Variants in FOXP1 observed in about 807,000 individuals in gnomAD.
FOXP1 encodes the protein forkhead box protein P1.
In FOXP1, 15 loss-of-function variants were observed where a neutral mutation model predicts 98.2. The observed-to-expected ratio is 0.15, with a 90% CI of 0.10 to 0.24. The LOEUF (loss-of-function observed/expected upper bound fraction) is 0.24, where lower values mean the gene tolerates loss of function less well. FOXP1 is among the 10% of genes least tolerant of loss of function. The pLI is 1.00. For missense variants in FOXP1, 633 were observed against 848.5 expected (o/e 0.75, Z 3.15); for synonymous variants, 371 against 314.5 (o/e 1.18, Z -1.90).
At chr3:71,561,424 A>G (rs933297473) in intron 2 of FOXP1, among the ~76,000 whole-genome samples, 3 of 151,806 alleles carry the variant, frequency 2.0e-5, no homozygotes, top group Non-Finnish European at 4.4e-5. Context: ...AAAAAAAAAA[A>G]AAGCCAGCTG....
intron 2 of FOXP1, among the ~76,000 whole-genome samples, chr3:71,510,079 G>A (rs2042091729): frequency 6.6e-6 from 1 of 152,154 alleles, no homozygotes; most frequent in Non-Finnish European, 1.5e-5. Flanking sequence ...TACCAGGGAG[G>A]CTGAGGCAGG....
At chr3:71,371,447 C>G (rs1207346256) in intron 3 of FOXP1, among the ~76,000 whole-genome samples, 1 of 152,138 alleles carries the variant, frequency 6.6e-6, no homozygotes, top group East Asian at 1.9e-4. Flanking sequence ...TGTTCTCACA[C>G]CTGAATCAGA....
intron 3 of FOXP1, among the ~76,000 whole-genome samples, chr3:71,396,938 ATATATATATGTG>A (rs1560423978): frequency 3.6e-5 from 3 of 83,306 alleles, no homozygotes; most frequent in African/African-American, 1.6e-4. Flanking sequence ...ATATATACAC[ATATATATATGTG>A]TATATATATA....
chr3:71,052,645 AC>A lies in FOXP1; in HGVS notation c.421-20del. 1 of 975,192 alleles carries A rather than the reference AC, an allele frequency of 1.0e-6. No individual in the cohort carries two copies. The highest frequency in any genetic ancestry group is 1.7e-6 in the Non-Finnish European group (1 of 595,406). The allele number at this position is 975,192 out of a possible 1,614,324, so 60.4% of individuals were successfully genotyped here. On this transcript the variant is annotated intron_variant, in intron 8 of 20. Transcript: ENST00000649528. ...GCTGCTGCTACAAAGGAAAGAGAGG[AC>A]GGTAAGTAACAGAGGGTAGCGCCAA...
rs145218307 is a variant in FOXP1, at chr3:71,567,796, G to A, written c.-298+13753C>T. 630 of 152,040 alleles carry A rather than the reference G, an allele frequency of 4.1e-3. 3 individuals carry two copies. Among genetic ancestry groups the A allele is most frequent in the African/African-American group, 0.014 (579 of 41,424 alleles). 9.4% of individuals were successfully genotyped at this position (152,040 alleles called of 1,614,324 possible). A position where few individuals can be genotyped will look rare whatever the true frequency, so the allele number is the denominator to read the frequency against. Reference sequence around the variant, plus strand: ...TTGGGATAAAAGAAAGAAAAGAGTGGACGTTCTTTCCTGAGGCTGCCTTCA... The same window carrying A: ...TTGGGATAAAAGAAAGAAAAGAGTGAACGTTCTTTCCTGAGGCTGCCTTCA... On this transcript the variant is annotated intron_variant, in intron 2 of 20. Coordinates refer to ENST00000649528, the MANE Select transcript of FOXP1 (RefSeq NM_001349338.3).
chr3:71,233,746 A>C (rs994236876), intron 5 of FOXP1, among the ~76,000 whole-genome samples: 3 of 152,096 alleles, frequency 2.0e-5, no homozygotes, highest in African/African-American at 2.4e-5. Context: ...TGGGGACCCC[A>C]AGAAGGACAA....
chr3:71,098,282 C>G (rs2056652889), intron 7 of FOXP1, among the ~76,000 whole-genome samples: 2 of 152,194 alleles, frequency 1.3e-5, no homozygotes, highest in Admixed American at 1.3e-4. Flanking sequence ...AAATACATTT[C>G]TGTATTTTGC....
chr3:71,141,504 C>T (rs147883855), intron 6 of FOXP1, among the ~76,000 whole-genome samples: 9 of 152,256 alleles, frequency 5.9e-5, no homozygotes, highest in African/African-American at 1.4e-4. Context: ...ATGATTAACT[C>T]GGTTTCACTA....
At chr3:71,016,519 A>C (rs536065519) in intron 11 of FOXP1, among the ~76,000 whole-genome samples, 1 of 152,148 alleles carries the variant, frequency 6.6e-6, no homozygotes, top group Admixed American at 6.6e-5. Flanking sequence ...ATTCCATCAG[A>C]TAGAAATGTA....
At chr3:71,372,422 G>A (rs1560387001) in intron 3 of FOXP1, among the ~76,000 whole-genome samples, 1 of 152,142 alleles carries the variant, frequency 6.6e-6, no homozygotes, top group African/African-American at 2.4e-5. Context: ...ACTGTATCCT[G>A]TGTGAACTCC....
At chr3:70,980,189 G>C (rs1046884578) in intron 14 of FOXP1, among the ~76,000 whole-genome samples, 18 of 152,104 alleles carry the variant, frequency 1.2e-4, no homozygotes, top group Non-Finnish European at 2.9e-5. Context: ...GAAGCCAAGG[G>C]GGGAAGAGTT....
At chr3:70,963,279 A>T (rs536894667) in intron 20 of FOXP1, among the ~76,000 whole-genome samples, 1 of 152,338 alleles carries the variant, frequency 6.6e-6, no homozygotes, top group Admixed American at 6.5e-5. Context: ...CAACCAGGTT[A>T]GACAGTAAGG....
At chr3:71,413,199 A>ACC (rs71120328) in intron 3 of FOXP1, among the ~76,000 whole-genome samples, 4 of 36,342 alleles carry the variant, frequency 1.1e-4, no homozygotes, top group Non-Finnish European at 2.0e-4. Context: ...CACACACACC[A>ACC]CCCCCCCAAA....
chr3:71,102,896 G>C (rs1028805552), intron 7 of FOXP1, among the ~76,000 whole-genome samples: 1 of 152,058 alleles, frequency 6.6e-6, no homozygotes, highest in East Asian at 1.9e-4. Flanking sequence ...GTATGGCCTT[G>C]GACAAGTTAA....
At chr3:71,358,986 TG>T (rs1000164636) in intron 4 of FOXP1, among the ~76,000 whole-genome samples, 163 bp downstream of exon 4, 4 of 152,262 alleles carry the variant, frequency 2.6e-5, no homozygotes, top group Admixed American at 6.5e-5. Flanking sequence ...AAAGCTATCA[TG>T]GGGGGTAGCA....
At chr3:71,105,218 T>TC (rs1336132980) in intron 7 of FOXP1, among the ~76,000 whole-genome samples, 12 of 151,950 alleles carry the variant, frequency 7.9e-5, no homozygotes, top group Non-Finnish European at 1.2e-4. Flanking sequence ...TCTTTTTTTT[T>TC]CCCCCTCTTT....
chr3:70,995,576 T>C (rs1411363296), intron 13 of FOXP1, among the ~76,000 whole-genome samples: 1 of 152,226 alleles, frequency 6.6e-6, no homozygotes, highest in Non-Finnish European at 1.5e-5. Flanking sequence ...GTCTCACTGT[T>C]AGGTGTCTAT....
chr3:71,037,424 C>CAATT (rs1488592346), intron 11 of FOXP1, among the ~76,000 whole-genome samples: 2 of 152,114 alleles, frequency 1.3e-5, no homozygotes, highest in African/African-American at 4.8e-5. Flanking sequence ...TAAAGCAAGA[C>CAATT]AATTAGACAG....
At chr3:71,030,354 G>A (rs1333016423) in intron 11 of FOXP1, among the ~76,000 whole-genome samples, 5 of 152,136 alleles carry the variant, frequency 3.3e-5, no homozygotes, top group Non-Finnish European at 7.4e-5. Flanking sequence ...AGATTGGAGG[G>A]GGTCTTCCCT....
Sources: gnomAD v4.1 joint callset for allele counts (sites outside exome capture counted in the v4.1 genomes callset) on GRCh38, gnomAD v4.1.1 for gene constraint, MANE v1.5 for transcripts, NCBI Gene and HGNC (gene_info 2026-07-23, HGNC 2026-07-21) for gene names.